Variants in PCDH15 observed in about 807,000 individuals in gnomAD.
PCDH15 encodes the protein protocadherin-15.
A neutral mutation model predicts 178.5 loss-of-function variants in PCDH15; 129 were observed. That is an observed-to-expected ratio of 0.72 (90% CI 0.63 to 0.84). PCDH15 has a LOEUF of 0.84. Ranked by LOEUF, PCDH15 falls within the 40% of genes least tolerant of loss-of-function variation. The pLI is 0.00. For missense variants in PCDH15, 2,230 were observed against 2,099.9 expected (o/e 1.06, Z -1.21); for synonymous variants, 800 against 732.0 (o/e 1.09, Z -1.50).
At position 53,993,901 on chromosome 10, in the gene PCDH15, A is replaced by G. The variant is rs183543219; in HGVS notation, c.2868+1748T>C. The stretch of plus-strand genomic sequence containing the variant: ...TGAAATAAATAGATTCAGTATTTCA[A>G]TGGAATGACTGGCATCCACTTTCTA... On this transcript the variant is annotated intron_variant, in intron 21 of 37. Transcript: ENST00000644397. 4.0e-4 allele frequency among the ~76,000 whole-genome samples: 61 copies of G among 152,338 alleles called. 1 individual carries two copies. The highest frequency in any genetic ancestry group is 1.2e-3 in the African/African-American group (48 of 41,580).
intron 1 of PCDH15, among the ~76,000 whole-genome samples, chr10:54,716,388 A>T (rs1038954230): frequency 5.9e-5 from 9 of 152,198 alleles, no homozygotes; most frequent in Admixed American, 5.2e-4. Flanking sequence ...CTTCCTATCC[A>T]TGAGCATGGA....
chr10:54,356,274 A>C (rs953047737), intron 5 of PCDH15, among the ~76,000 whole-genome samples: 9 of 152,150 alleles, frequency 5.9e-5, no homozygotes, highest in Non-Finnish European at 1.0e-4. Flanking sequence ...TATCAGGTGA[A>C]TTAAAATTTA....
chr10:55,240,020 C>T (rs948915248), intron 1 of PCDH15, among the ~76,000 whole-genome samples: 6 of 152,148 alleles, frequency 3.9e-5, no homozygotes, highest in Admixed American at 2.6e-4. Flanking sequence ...TAGCTTTTAT[C>T]CAAAAACAGG....
At chr10:54,762,181 T>G (rs1334108369) in intron 1 of PCDH15, among the ~76,000 whole-genome samples, 1 of 130,122 alleles carries the variant, frequency 7.7e-6, no homozygotes, top group South Asian at 2.9e-4. Flanking sequence ...ATATTACAGA[T>G]TAAAATTGTC....
In PCDH15 at chr10:53,952,976, C is replaced by T. The variant is rs12264793; in HGVS notation, c.3122+6756G>A. Among the ~76,000 whole-genome samples the T allele has an allele frequency of 3.5e-3, 530 of 152,334 alleles. 2 individuals carry two copies. The highest frequency in any genetic ancestry group is 0.012 in the African/African-American group (489 of 41,580). On this transcript the variant is annotated intron_variant, in intron 23 of 37. Transcript: ENST00000644397. ...GGGAGAACACACTTTGAGCATGCAGCAGGAGGGGGGCCCAGGTCCACAGTC... is the reference window on the plus strand; with the variant it reads ...GGGAGAACACACTTTGAGCATGCAGTAGGAGGGGGGCCCAGGTCCACAGTC...
At chr10:53,976,061 C>G (rs1271092676) in intron 21 of PCDH15, among the ~76,000 whole-genome samples, 3 of 152,118 alleles carry the variant, frequency 2.0e-5, no homozygotes, top group South Asian at 4.1e-4. Context: ...AGTTTTGTCA[C>G]ATGTCAGATG....
intron 3 of PCDH15, among the ~76,000 whole-genome samples, chr10:54,524,139 T>A (rs1453084263): frequency 1.3e-5 from 2 of 152,228 alleles, no homozygotes; most frequent in African/African-American, 4.8e-5. Flanking sequence ...AAATGTAAAC[T>A]TCTTCATTGA....
chr10:54,773,738 A>G (rs1309639630), intron 1 of PCDH15, among the ~76,000 whole-genome samples: 2 of 152,146 alleles, frequency 1.3e-5, no homozygotes, highest in Non-Finnish European at 2.9e-5. Flanking sequence ...TAGAAACACT[A>G]TTTTAAAAGA....
chr10:54,794,836 C>T (rs1172721537), intron 1 of PCDH15, among the ~76,000 whole-genome samples: 1 of 151,738 alleles, frequency 6.6e-6, no homozygotes, highest in African/African-American at 2.4e-5. Flanking sequence ...GCATTCATTC[C>T]TAGATTGCTT....
At chr10:54,951,843 T>G (rs1838348952) in intron 2 of PCDH15, among the ~76,000 whole-genome samples, 3 of 151,840 alleles carry the variant, frequency 2.0e-5, no homozygotes. Flanking sequence ...ATCTGCATAT[T>G]TTCTTTGGTA....
intron 9 of PCDH15, among the ~76,000 whole-genome samples, chr10:54,227,187 A>G (rs1001789420): frequency 6.6e-6 from 1 of 152,156 alleles, no homozygotes; most frequent in African/African-American, 2.4e-5. Context: ...CCTGCACTGC[A>G]CTAGTGGAGG....
rs189880605 is a variant in PCDH15 at position 54,980,727 on chromosome 10, A to C, written c.-79-83227T>G. Reference sequence around the variant, plus strand: ...TTCTTTATGTTACACTTTTCAATCAAATTCATTCATAATTTAAATTGATTT... The same window carrying C: ...TTCTTTATGTTACACTTTTCAATCACATTCATTCATAATTTAAATTGATTT... On this transcript the variant is annotated intron_variant, in intron 2 of 5. Transcript: ENST00000458638. Among the ~76,000 whole-genome samples, 10 of 151,988 alleles carry C rather than the reference A, an allele frequency of 6.6e-5. No individual in the cohort carries two copies. The East Asian group carries it at 1.9e-3, about 29-fold the overall frequency.
At chr10:54,964,646 A>T (rs1377674879) in intron 2 of PCDH15, among the ~76,000 whole-genome samples, 1 of 152,192 alleles carries the variant, frequency 6.6e-6, no homozygotes, top group Non-Finnish European at 1.5e-5. Flanking sequence ...AACCTATAAG[A>T]TCCTTAAAAC....
chr10:55,333,068 C>A (rs1034327698), intron 2 of PCDH15, among the ~76,000 whole-genome samples: 2 of 152,076 alleles, frequency 1.3e-5, no homozygotes, highest in Non-Finnish European at 2.9e-5. Context: ...CTACTTTTAA[C>A]ATATAAAGAT....
chr10:55,281,267 C>T (rs970062345), intron 1 of PCDH15, among the ~76,000 whole-genome samples: 1 of 151,910 alleles, frequency 6.6e-6, no homozygotes, highest in South Asian at 2.1e-4. Flanking sequence ...TATAATCTGT[C>T]TTCATTTTCT....
intron 25 of PCDH15, among the ~76,000 whole-genome samples, chr10:53,929,698 T>C (rs910541793): frequency 6.6e-6 from 1 of 152,200 alleles, no homozygotes; most frequent in Admixed American, 6.5e-5. Flanking sequence ...ACCCTACAGC[T>C]AAAACATAAA....
intron 32 of PCDH15, among the ~76,000 whole-genome samples, chr10:53,824,619 C>G (rs2076548224): frequency 6.6e-6 from 1 of 152,072 alleles, no homozygotes; most frequent in Non-Finnish European, 1.5e-5. Context: ...ACAATCTGGA[C>G]TAATCAGAGT....
At chr10:54,877,858 A>T (rs1241445003) in intron 3 of PCDH15, among the ~76,000 whole-genome samples, 1 of 151,072 alleles carries the variant, frequency 6.6e-6, no homozygotes, top group Non-Finnish European at 1.5e-5. Context: ...GAGCATATTG[A>T]CAGCATTTAT....
At chr10:54,033,736 A>G (rs768093988) in intron 18 of PCDH15, among the ~76,000 whole-genome samples, 14 of 151,994 alleles carry the variant, frequency 9.2e-5, no homozygotes, top group Non-Finnish European at 1.3e-4. Context: ...CCAAGTTATA[A>G]CACAAAGTAT....
Sources: allele counts gnomAD v4.1 joint callset (sites outside exome capture counted in the v4.1 genomes callset), GRCh38; gene constraint gnomAD v4.1.1; transcripts MANE v1.5; gene names NCBI Gene and HGNC (gene_info 2026-07-23, HGNC 2026-07-21).